SBF2: variants seen among roughly 807,000 people sequenced by gnomAD.
SBF2 encodes the protein SET binding factor 2, also known as myotubularin-related protein 13.
SBF2 carries 112 observed loss-of-function variants against 225.2 expected under a neutral mutation model. That is an observed-to-expected ratio of 0.50 (90% CI 0.43 to 0.58). SBF2 has a LOEUF of 0.58. Ranked by LOEUF, SBF2 falls within the 20% of genes least tolerant of loss-of-function variation. The pLI, the probability that SBF2 is intolerant of heterozygous loss-of-function variation, is 0.00. For synonymous variants in SBF2, 763 were observed against 773.3 expected (o/e 0.99, Z 0.22); for missense variants, 1,996 against 2,206.2 (o/e 0.90, Z 1.91).
At chr11:10,100,909 A>G (rs569748431) in intron 2 of SBF2, among the ~76,000 whole-genome samples, 228 of 152,192 alleles carry the variant, frequency 1.5e-3, no homozygotes, top group African/African-American at 5.3e-3. Context: ...TAGTAGGAGG[A>G]GTCTTGGTTC....
intron 2 of SBF2, 85 bp from the exon 3 acceptor site, chr11:10,043,066 A>G (rs1459776620): frequency 5.9e-6 from 8 of 1,363,094 alleles, no homozygotes; most frequent in Non-Finnish European, 8.1e-6. Context: ...ATGTTTGCCC[A>G]TTTTAACAAA....
chr11:9,832,681 T>TC (rs1488588609), intron 26 of SBF2, among the ~76,000 whole-genome samples: 1 of 152,220 alleles, frequency 6.6e-6, no homozygotes, highest in Non-Finnish European at 1.5e-5. Flanking sequence ...GCTCAAGCGA[T>TC]CCTCCTTCCT....
chr11:9,887,354 T>C (rs1034827306), intron 17 of SBF2, among the ~76,000 whole-genome samples: 4 of 152,102 alleles, frequency 2.6e-5, no homozygotes, highest in African/African-American at 7.2e-5. Flanking sequence ...AAATAGTATA[T>C]ATAAACTAAT....
Position 10,002,541 on chromosome 11 carries a change from C to G in SBF2, c.752+16G>C, listed in dbSNP as rs757910444. The stretch of plus-strand genomic sequence containing the variant: ...GTAGTTTAGGAATAAATAAAATTAA[C>G]AAATGAAAACCTCACCTATATTTAA... On this transcript the variant is annotated intron_variant, in intron 7 of 39. Transcript: ENST00000256190. 2.5e-6 allele frequency: 4 copies of G among 1,595,350 alleles called. No homozygotes were observed. The highest frequency in any genetic ancestry group is 3.4e-6 in the Non-Finnish European group (4 of 1,163,892).
intron 1 of SBF2, among the ~76,000 whole-genome samples, chr11:10,260,672 C>T (rs1255370349): frequency 1.4e-5 from 2 of 146,014 alleles, no homozygotes; most frequent in Non-Finnish European, 3.0e-5. Flanking sequence ...CACTGCACTC[C>T]AGCCTGGGCA....
chr11:10,186,246 T>C (rs1956930599), intron 2 of SBF2, among the ~76,000 whole-genome samples: 1 of 152,078 alleles, frequency 6.6e-6, no homozygotes, highest in African/African-American at 2.4e-5. Flanking sequence ...AAGACATTAG[T>C]GTGTTCATTG....
intron 1 of SBF2, among the ~76,000 whole-genome samples, chr11:10,196,812 C>T (rs1362954577): frequency 1.4e-5 from 2 of 139,778 alleles, no homozygotes; most frequent in African/African-American, 2.6e-5. Flanking sequence ...TTGGACTATC[C>T]ATTTATTCCT....
At chr11:9,892,396 G>A (rs1216780315) in intron 17 of SBF2, among the ~76,000 whole-genome samples, 1 of 152,128 alleles carries the variant, frequency 6.6e-6, no homozygotes, top group East Asian at 1.9e-4. Flanking sequence ...ATCTGCATGT[G>A]CTGGCAGTAA....
chr11:9,959,899 C>T (rs115427675), intron 16 of SBF2: 223 of 374,646 alleles, frequency 6.0e-4, no homozygotes, highest in African/African-American at 4.0e-3. Context: ...TGCTCTTCTC[C>T]CATTCTCGGC....
At chr11:9,940,185 C>T (rs1429310905) in intron 16 of SBF2, among the ~76,000 whole-genome samples, 2 of 152,064 alleles carry the variant, frequency 1.3e-5, no homozygotes, top group South Asian at 2.1e-4. Flanking sequence ...AGGCGGATCA[C>T]GAGGTCAAGA....
chr11:10,253,143 T>G (rs1321517168), intron 1 of SBF2, among the ~76,000 whole-genome samples: 2 of 66,514 alleles, frequency 3.0e-5, no homozygotes, highest in African/African-American at 5.4e-5. Context: ...AAAAAAAAAA[T>G]CAGCTTTAGA....
chr11:9,784,961 G>T, intron 37 of SBF2, 164 bp downstream of exon 37: 2 of 718,980 alleles, frequency 2.8e-6, no homozygotes, highest in Non-Finnish European at 2.3e-6. Context: ...TTTGTTTTTT[G>T]TCTTTTCAAA....
chr11:10,211,976 A>G (rs1312238993), intron 1 of SBF2, among the ~76,000 whole-genome samples: 3 of 152,194 alleles, frequency 2.0e-5, no homozygotes, highest in Non-Finnish European at 4.4e-5. Flanking sequence ...TCATTCTCCA[A>G]AATGTATCTA....
intron 17 of SBF2, among the ~76,000 whole-genome samples, chr11:9,889,603 C>T (rs999561511): frequency 1.3e-5 from 2 of 152,002 alleles, no homozygotes; most frequent in South Asian, 4.2e-4. Context: ...CTGAATTAGA[C>T]ACATTTTGAA....
intron 1 of SBF2, among the ~76,000 whole-genome samples, chr11:10,235,255 C>A (rs1404090491): frequency 5.3e-5 from 8 of 152,128 alleles, no homozygotes; most frequent in Non-Finnish European, 1.2e-4. Flanking sequence ...TTAATTGAGG[C>A]CAGGCACGGT....
chr11:9,844,614 C>A (rs889426257), intron 24 of SBF2, among the ~76,000 whole-genome samples: 1 of 151,792 alleles, frequency 6.6e-6, no homozygotes, highest in Admixed American at 6.6e-5. Context: ...GATCCTGGAC[C>A]AGGAATAAAA....
At chr11:10,150,804 AT>A (rs1026357876) in intron 2 of SBF2, among the ~76,000 whole-genome samples, 11 of 151,466 alleles carry the variant, frequency 7.3e-5, no homozygotes, top group East Asian at 5.8e-4. Flanking sequence ...GCATTTAGTT[AT>A]TTTTTTTTCC....
chr11:9,968,427 AT>A lies in SBF2; in HGVS notation c.1513del (p.Ile505TyrfsTer17). On this transcript the variant is annotated frameshift_variant, in exon 14 of 40. Coordinates refer to ENST00000256190, the MANE Select transcript of SBF2 (RefSeq NM_030962.4). LOFTEE classifies it high-confidence loss of function. ...EINEARVQELIQENVAKNQNA... is the reference protein window; with the variant it reads ...EINEARVQELXQENVAKNQNA... ...CTGGTTCTTAGCAACATTTTCCTGT[AT>A]TAATTCCTGAACCCGGGCTTCATTA... The A allele has an allele frequency of 6.2e-7, 1 of 1,614,140 alleles. No individual in the cohort carries two copies. The highest frequency in any genetic ancestry group is 8.5e-7 in the Non-Finnish European group (1 of 1,180,008).
At chr11:9,875,932 C>T (rs1859192213) in intron 17 of SBF2, among the ~76,000 whole-genome samples, 2 of 151,628 alleles carry the variant, frequency 1.3e-5, no homozygotes, top group Admixed American at 1.3e-4. Context: ...TAAGTGTAAA[C>T]TCACTGAGTT....
Sources: allele counts gnomAD v4.1 joint callset (sites outside exome capture counted in the v4.1 genomes callset), GRCh38; gene constraint gnomAD v4.1.1; transcripts MANE v1.5; gene names NCBI Gene and HGNC (gene_info 2026-07-23, HGNC 2026-07-21).